The following ITPKB variants were observed in gnomAD, a reference collection of about 807,000 sequenced individuals.
The protein encoded by ITPKB is inositol-trisphosphate 3-kinase B.
A neutral mutation model predicts 69.4 loss-of-function variants in ITPKB; 13 were observed. That is an observed-to-expected ratio of 0.19 (90% confidence interval 0.12 to 0.30). The LOEUF is 0.30. Among genes scored for constraint, ITPKB ranks in the 10% least tolerant of loss-of-function variants. The pLI is 1.00. For synonymous variants in ITPKB, 584 were observed against 513.7 expected, an observed-to-expected ratio of 1.14 and a Z score of -1.85; for missense variants, 1,240 against 1,250.5, an observed-to-expected ratio of 0.99 and a Z score of 0.13.
chr1:226,696,021 G>A (rs1485749099), intron 2 of ITPKB, among the ~76,000 whole-genome samples: 1 of 152,166 alleles, frequency 6.6e-6, no homozygotes, highest in Middle Eastern at 3.2e-3. Context: ...ATGCTATGCT[G>A]CTTCTTCTTC....
At chr1:226,685,161 CA>C (rs1001772966) in intron 2 of ITPKB, among the ~76,000 whole-genome samples, 1 of 152,234 alleles carries the variant, frequency 6.6e-6, no homozygotes, top group African/African-American at 2.4e-5. Context: ...TCCCTGTCTT[CA>C]GAGCTACCTC....
chr1:226,681,333 A>G (rs1216253110), intron 2 of ITPKB, among the ~76,000 whole-genome samples: 1 of 152,014 alleles, frequency 6.6e-6, no homozygotes, highest in East Asian at 1.9e-4. Context: ...CATTGCAGAC[A>G]CCTCCATCTG....
rs563928360 is a variant in ITPKB, at chr1:226,716,062, C to A, written c.1932+19465G>T. On this transcript the variant is annotated intron_variant, in intron 2 of 7. Coordinates refer to ENST00000429204, the MANE Select transcript of ITPKB (RefSeq NM_002221.4). Reference sequence around the variant, plus strand: ...CTGACCTCAGGCAATCTGCCCACCTCGGCCTCCCAAAGTGCTGGCACTACA... The same window carrying A: ...CTGACCTCAGGCAATCTGCCCACCTAGGCCTCCCAAAGTGCTGGCACTACA... Among the ~76,000 whole-genome samples, 7 of 152,340 alleles carry A rather than the reference C, an allele frequency of 4.6e-5. No individual in the cohort carries two copies. In the South Asian group the frequency reaches 1.5e-3, roughly 32 times the overall value.
intron 2 of ITPKB, chr1:226,656,889 TAGACTGTCAC>T (rs1393492429): frequency 6.6e-6 from 1 of 152,292 alleles, no homozygotes; most frequent in Non-Finnish European, 1.5e-5. Context: ...AGCTGCTCTG[TAGACTGTCAC>T]AGACAGGCAA....
Position 226,736,372 on chromosome 1 carries a change from G to A in ITPKB, c.1087C>T (p.Pro363Ser). The A allele has an allele frequency of 6.2e-7, 1 of 1,612,302 alleles. No individual in the cohort carries two copies. Among genetic ancestry groups the A allele is most frequent in the South Asian group, 1.1e-5 (1 of 91,072 alleles). Residue 363 changes from proline (P) to serine (S), a missense_variant, in exon 2 of 8, where the codon CCC (proline) becomes TCC (serine). By Grantham distance (74) the Pro-to-Ser change is moderately conservative. Coordinates refer to ENST00000429204, the MANE Select transcript of ITPKB (RefSeq NM_002221.4). ...TTCCCAGGGGGTTCTCCATCGCGGGGCCCGCCCCTTTCTGGGGCTGGGCTT... is the reference window on the plus strand; with the variant it reads ...TTCCCAGGGGGTTCTCCATCGCGGGACCCGCCCCTTTCTGGGGCTGGGCTT... ...ETSPAPERGG[P>S]RDGEPPGKMG...
intron 2 of ITPKB, among the ~76,000 whole-genome samples, chr1:226,665,548 C>G (rs557030991): frequency 1.1e-3 from 174 of 152,232 alleles, no homozygotes; most frequent in African/African-American, 3.9e-3. Flanking sequence ...AATAGAACAC[C>G]AAGACAAAAC....
intron 2 of ITPKB, among the ~76,000 whole-genome samples, chr1:226,698,621 G>A (rs913502447): frequency 6.6e-6 from 1 of 152,228 alleles, no homozygotes; most frequent in African/African-American, 2.4e-5. Flanking sequence ...TTCCCAGGTT[G>A]CCAACCTCAA....
chr1:226,648,990 A>T (rs1045927136), intron 2 of ITPKB, among the ~76,000 whole-genome samples: 12 of 152,224 alleles, frequency 7.9e-5, no homozygotes, highest in African/African-American at 2.2e-4. Flanking sequence ...GCTCAGGGGA[A>T]CTCCCCTGTC....
At position 226,736,818 on chromosome 1, in the gene ITPKB, C is replaced by G; in HGVS notation, c.641G>C (p.Gly214Ala). Reference protein sequence around the residue: ...SWGEQCPETSGTDSGRKGGPS... With the variant: ...SWGEQCPETSATDSGRKGGPS... ...CCCTCCTTTCCTCCCGGAGTCGGTTCCTGAAGTCTCTGGACATTGCTCCCC... is the reference window on the plus strand; with the variant it reads ...CCCTCCTTTCCTCCCGGAGTCGGTTGCTGAAGTCTCTGGACATTGCTCCCC... Residue 214 changes from glycine to alanine, a missense_variant, in exon 2 of 8, where the codon GGA becomes GCA. Coordinates refer to ENST00000429204, the MANE Select transcript of ITPKB (RefSeq NM_002221.4). The G allele has an allele frequency of 6.2e-7, 1 of 1,612,894 alleles. No homozygotes were observed. Among genetic ancestry groups the G allele is most frequent in the South Asian group, 1.1e-5 (1 of 91,088 alleles).
At chr1:226,704,108 A>G (rs937235839) in intron 2 of ITPKB, among the ~76,000 whole-genome samples, 10 of 152,116 alleles carry the variant, frequency 6.6e-5, no homozygotes, top group Admixed American at 6.5e-4. Flanking sequence ...TCTAAATACT[A>G]TTTGTTTAGA....
At chr1:226,649,450 T>TGC (rs1558302700) in intron 2 of ITPKB, among the ~76,000 whole-genome samples, 2 of 140,822 alleles carry the variant, frequency 1.4e-5, no homozygotes, top group African/African-American at 2.7e-5. Flanking sequence ...TGCGTGTGTG[T>TGC]GCATGTGTGA....
At chr1:226,703,721 C>A (rs184867713) in intron 2 of ITPKB, among the ~76,000 whole-genome samples, 234 of 152,352 alleles carry the variant, frequency 1.5e-3, no homozygotes, top group African/African-American at 5.3e-3. Context: ...TTGCGCTCCC[C>A]CAGGCGGGAA....
intron 2 of ITPKB, among the ~76,000 whole-genome samples, chr1:226,699,046 GCCCTCTGGCCTC>G (rs1343668478): frequency 6.6e-6 from 1 of 152,156 alleles, no homozygotes; most frequent in African/African-American, 2.4e-5. Flanking sequence ...ACTCTCCATG[GCCCTCTGGCCTC>G]CCCTCACCCC....
intron 2 of ITPKB, among the ~76,000 whole-genome samples, chr1:226,732,621 G>A (rs772181389): frequency 1.3e-5 from 2 of 151,560 alleles, no homozygotes; most frequent in Non-Finnish European, 2.9e-5. Context: ...TTAAAGTAAG[G>A]TACTTTTATA....
At chr1:226,661,902 A>G (rs3768380) in intron 2 of ITPKB, among the ~76,000 whole-genome samples, 37,232 of 151,946 alleles carry the variant, frequency 0.25, 4,767 homozygotes, top group East Asian at 0.34. Context: ...CTTGAATCCC[A>G]CCTTTCCACA....
At chr1:226,726,569 G>A (rs1198146646) in intron 2 of ITPKB, among the ~76,000 whole-genome samples, 2 of 151,904 alleles carry the variant, frequency 1.3e-5, no homozygotes, top group African/African-American at 2.4e-5. Context: ...CCAGCTACTC[G>A]GGAGGCTGAG....
In ITPKB at chr1:226,642,102, G is replaced by A. The variant is rs771586213; in HGVS notation, c.2270C>T (p.Thr757Met). 31 of 1,613,718 alleles carry A rather than the reference G, an allele frequency of 1.9e-5. No individual in the cohort carries two copies. The highest frequency in any genetic ancestry group is 1.4e-5 in the Non-Finnish European group (16 of 1,179,960). Residue 757 changes from threonine (T) to methionine (M), a missense_variant, in exon 5 of 8, where the codon ACG (threonine) becomes ATG (methionine). This residue lies in a region of ITPKB where 248 missense variants were observed against 396.7 expected (regional missense o/e 0.63). Coordinates refer to ENST00000429204, the MANE Select transcript of ITPKB (RefSeq NM_002221.4). This position sits in a 1 kb window ranked among gnomAD's most constrained non-coding sequence, Gnocchi z 6.4. ...GIRTYLEEEL[T>M]KARKKPSLRK... is the part of the protein sequence containing the mutation. ...CAGGCTGGGCTTCTTCCGGGCCTTCGTGAGCTCCTCCTCCAGGTAGGTCCT... is the reference window on the plus strand; with the variant it reads ...CAGGCTGGGCTTCTTCCGGGCCTTCATGAGCTCCTCCTCCAGGTAGGTCCT...
At chr1:226,730,644 A>C (rs976907540) in intron 2 of ITPKB, among the ~76,000 whole-genome samples, 1 of 152,186 alleles carries the variant, frequency 6.6e-6, no homozygotes, top group Non-Finnish European at 1.5e-5. Flanking sequence ...CTGATTATCC[A>C]AAGTCTGTAG....
At chr1:226,728,251 G>T (rs1657481798) in intron 2 of ITPKB, among the ~76,000 whole-genome samples, 1 of 152,202 alleles carries the variant, frequency 6.6e-6, no homozygotes, top group Non-Finnish European at 1.5e-5. Context: ...AAAAAATGCT[G>T]TATTGACTAG....
Sources: gnomAD v4.1 joint callset for allele counts (sites outside exome capture counted in the v4.1 genomes callset) on GRCh38, gnomAD v4.1.1 for gene constraint, gnomAD v4.1.1 regional missense constraint, Gnocchi (gnomAD v3.1) non-coding constraint, MANE v1.5 for transcripts, NCBI Gene and HGNC (gene_info 2026-07-23, HGNC 2026-07-21) for gene names.